CIDEB: variants seen among roughly 807,000 people sequenced by gnomAD.
The protein encoded by CIDEB is cell death inducing DFFA like effector b.
CIDEB carries 27 observed loss-of-function variants against 22.4 expected under a neutral mutation model. That is an observed-to-expected ratio of 1.21 (90% CI 0.89 to 1.66). The LOEUF (loss-of-function observed/expected upper bound fraction) is 1.66, where lower values mean the gene tolerates loss of function less well. Ranked by LOEUF, CIDEB falls within the 40% of genes most tolerant of loss-of-function variation. CIDEB has a pLI of 0.00. For missense variants in CIDEB, 289 were observed against 268.7 expected, an observed-to-expected ratio of 1.08 and a Z score of -0.53; for synonymous variants, 103 against 109.5, an observed-to-expected ratio of 0.94 and a Z score of 0.37.
At chr14:24,306,205 C>G in intron 3 of CIDEB, 68 bp from the exon 4 acceptor site, 6 of 1,551,856 alleles carry the variant, frequency 3.9e-6, no homozygotes, top group South Asian at 1.2e-5. Flanking sequence ...TCCATCAGCA[C>G]TGGGTCAGAC....
upstream of CIDEB, chr14:24,310,604 G>A: frequency 6.4e-7 from 1 of 1,561,946 alleles, no homozygotes; most frequent in Non-Finnish European, 8.8e-7. Context: ...CACAGGTGGG[G>A]TTTTGCCCCA....
chr14:24,306,965 C>G (rs1174915967), intron 2 of CIDEB: 6 of 253,320 alleles, frequency 2.4e-5, no homozygotes, highest in Admixed American at 4.9e-5. Context: ...TCCTCTTACT[C>G]CTTTCAACAA....
At chr14:24,311,062 G>A (rs1566422880), upstream of CIDEB, 7 of 1,566,056 alleles carry the variant, frequency 4.5e-6, no homozygotes, top group East Asian at 4.8e-5. Flanking sequence ...CCTCGGCTGC[G>A]CAGCCCGGCC....
chr14:24,308,377 A>T (rs1257700031), upstream of CIDEB: 1 of 200,102 alleles, frequency 5.0e-6, no homozygotes, highest in Non-Finnish European at 1.0e-5. Flanking sequence ...GGAAAATGAG[A>T]GGTGAGACTG....
upstream of CIDEB, chr14:24,311,190 G>C: frequency 6.2e-7 from 1 of 1,608,074 alleles, no homozygotes; most frequent in Non-Finnish European, 8.5e-7. Flanking sequence ...CCCGTCGCCG[G>C]TCCACGCCGC....
upstream of CIDEB, chr14:24,310,644 C>G (rs369607712): frequency 6.2e-7 from 1 of 1,613,606 alleles, no homozygotes; most frequent in African/African-American, 1.3e-5. Flanking sequence ...GCGCCTTCCA[C>G]CCACCTGTAG....
intron 1 of CIDEB, 48 bp downstream of exon 1, chr14:24,307,770 G>A: frequency 6.5e-7 from 1 of 1,547,690 alleles, no homozygotes; most frequent in Non-Finnish European, 8.8e-7. Flanking sequence ...TTGTTGCCCT[G>A]CCTATATCCC....
intron 4 of CIDEB, 53 bp downstream of exon 4, chr14:24,305,894 T>C (rs2041487563): frequency 1.3e-6 from 2 of 1,589,000 alleles, no homozygotes; most frequent in Non-Finnish European, 1.7e-6. Flanking sequence ...GGACGAATTA[T>C]GGGGACTATC....
chr14:24,306,339 A>T, intron 3 of CIDEB, 35 bp downstream of exon 3: 1 of 1,613,542 alleles, frequency 6.2e-7, no homozygotes, highest in Non-Finnish European at 8.5e-7. Flanking sequence ...TCTAAAGGAC[A>T]GGCATTGGAA....
chr14:24,309,053 C>T (rs1439041873), upstream of CIDEB: 1 of 152,308 alleles, frequency 6.6e-6, no homozygotes, highest in South Asian at 2.1e-4. Flanking sequence ...AACTCTCTCT[C>T]ACTGTCTGTT....
In CIDEB at chr14:24,305,948, T is replaced by TGAGTACTTTCTTTGGGCC; in HGVS notation, c.508_525dup (p.Gly170_Leu175dup). On this transcript the variant is annotated inframe_insertion and splice_region_variant, in exon 4 of 5. Coordinates refer to ENST00000554411, the MANE Select transcript of CIDEB (RefSeq NM_001393339.1). Reference sequence around the variant, plus strand: ...CAGTATGACATGTTGATTTCTGACCTGAGTACTTTCTTTGGGCCAAGTCCT... The same window carrying TGAGTACTTTCTTTGGGCC: ...CAGTATGACATGTTGATTTCTGACCTGAGTACTTTCTTTGGGCCGAGTACTTTCTTTGGGCCAAGTCCT... 1.2e-6 allele frequency: 2 copies of TGAGTACTTTCTTTGGGCC among 1,613,122 alleles called. No homozygotes were observed. The highest frequency in any genetic ancestry group is 1.1e-5 in the South Asian group (1 of 90,972).
upstream of CIDEB, chr14:24,310,733 C>G: frequency 6.2e-7 from 1 of 1,612,408 alleles, no homozygotes; most frequent in Non-Finnish European, 8.5e-7. Flanking sequence ...GGGCCACAGG[C>G]ACAGCCTTCC....
At chr14:24,311,428 C>T (rs927326882), upstream of CIDEB, 2 of 1,601,274 alleles carry the variant, frequency 1.2e-6, no homozygotes, top group Non-Finnish European at 1.7e-6. Context: ...CTGGCTCCAC[C>T]GGAAGGGGCC....
chr14:24,306,676 G>A (rs1413819194), intron 2 of CIDEB, 153 bp from the exon 3 acceptor site: 42 of 876,784 alleles, frequency 4.8e-5, no homozygotes, highest in South Asian at 1.5e-4. Flanking sequence ...GCAGCTCTCC[G>A]TGTTCTTCAG....
chr14:24,310,920 G>A (rs745380770), upstream of CIDEB: 1 of 1,590,028 alleles, frequency 6.3e-7, no homozygotes, highest in Non-Finnish European at 8.5e-7. Flanking sequence ...GACCCGGCAG[G>A]CCTGGCCGCT....
chr14:24,308,358 C>T (rs1230779189), upstream of CIDEB: 1 of 204,432 alleles, frequency 4.9e-6, no homozygotes, highest in African/African-American at 2.3e-5. Flanking sequence ...GGCAGCATGG[C>T]AGGGCTTTGG....
upstream of CIDEB, chr14:24,308,031 C>T: frequency 1.5e-6 from 1 of 647,548 alleles, no homozygotes; most frequent in Non-Finnish European, 2.8e-6. Flanking sequence ...GGGCAAAGTC[C>T]AAGGGGAGGG....
chr14:24,310,840 C>A (rs775297419), upstream of CIDEB: 28 of 1,595,508 alleles, frequency 1.8e-5, no homozygotes, highest in Non-Finnish European at 2.4e-5. Flanking sequence ...CTGGCGGCCA[C>A]GCTTGTGCTG....
chr14:24,308,103 T>G, upstream of CIDEB: 1 of 565,254 alleles, frequency 1.8e-6, no homozygotes, highest in Non-Finnish European at 3.2e-6. Context: ...CATTGGAGCT[T>G]GTATGTGTGT....
Sources: allele counts gnomAD v4.1 joint callset, GRCh38; gene constraint gnomAD v4.1.1; transcripts MANE v1.5; gene names NCBI Gene and HGNC (gene_info 2026-07-23, HGNC 2026-07-21).